The following ATP9B variants were observed in gnomAD, a reference collection of about 807,000 sequenced individuals.
The protein encoded by ATP9B is ATPase phospholipid transporting 9B.
Under a neutral mutation model 146.1 loss-of-function variants are expected in ATP9B, and 110 were observed. That is an observed-to-expected ratio of 0.75 (90% CI 0.65 to 0.88). ATP9B has a LOEUF of 0.88. Among genes scored for constraint, ATP9B ranks in the 40% least tolerant of loss-of-function variants. The pLI is 0.00. For missense variants in ATP9B, 1,499 were observed against 1,496.4 expected (o/e 1.00, Z -0.03); for synonymous variants, 604 against 569.7 (o/e 1.06, Z -0.86).
intron 6 of ATP9B, chr18:79,146,629 A>C (rs1013227491): frequency 3.7e-6 from 1 of 272,194 alleles, no homozygotes; most frequent in South Asian, 3.4e-5. Flanking sequence ...CGGTGTGCAG[A>C]GTGACTGAAG....
At chr18:79,196,540 G>A (rs141861386) in intron 9 of ATP9B, among the ~76,000 whole-genome samples, 1 of 152,194 alleles carries the variant, frequency 6.6e-6, no homozygotes, top group Non-Finnish European at 1.5e-5. Context: ...GAAAGCTGAC[G>A]AGCTCAATAG....
Position 79,256,290 on chromosome 18 carries a change from T to C in ATP9B, c.1268+2749T>C, listed in dbSNP as rs369231244. Among the ~76,000 whole-genome samples, 389 of 141,922 alleles carry C rather than the reference T, an allele frequency of 2.7e-3. 8 individuals are homozygous for C. Among genetic ancestry groups the C allele is most frequent in the South Asian group, 6.4e-3 (29 of 4,524 alleles). 93.1% of individuals were successfully genotyped at this position (141,922 alleles called of 152,430 possible). ...ATATATATATATATATATATATACA[T>C]ACATAGTGAGGCTATGTTATTAGTT... On this transcript the variant is annotated intron_variant, in intron 12 of 29. Coordinates refer to ENST00000426216, the MANE Select transcript of ATP9B (RefSeq NM_198531.5).
At chr18:79,125,159 G>A (rs1490778894) in intron 4 of ATP9B, among the ~76,000 whole-genome samples, 1 of 152,166 alleles carries the variant, frequency 6.6e-6, no homozygotes, top group African/African-American at 2.4e-5. Context: ...TTCCGATGGT[G>A]CAGAGTGCAG....
At chr18:79,284,191 A>G (rs952870138) in intron 13 of ATP9B, among the ~76,000 whole-genome samples, 3 of 152,218 alleles carry the variant, frequency 2.0e-5, no homozygotes, top group African/African-American at 7.2e-5. Flanking sequence ...GAGGCAAGCA[A>G]ATCTCACAGG....
intron 13 of ATP9B, among the ~76,000 whole-genome samples, chr18:79,282,378 T>G (rs1202048843): frequency 1.3e-5 from 2 of 151,610 alleles, no homozygotes; most frequent in African/African-American, 4.9e-5. Context: ...AAAGGAAGAG[T>G]CAGTTTATGT....
chr18:79,201,515 G>C (rs991188254), intron 9 of ATP9B, among the ~76,000 whole-genome samples: 6 of 152,178 alleles, frequency 3.9e-5, no homozygotes, highest in Admixed American at 1.3e-4. Context: ...GGGAGGCTGA[G>C]GTGGGAGTTG....
chr18:79,221,519 G>A (rs1028097016), intron 11 of ATP9B, among the ~76,000 whole-genome samples: 1 of 152,162 alleles, frequency 6.6e-6, no homozygotes, highest in East Asian at 1.9e-4. Context: ...CCAGGAGTTC[G>A]AGGCCAGCCT....
Position 79,345,328 on chromosome 18 carries a change from C to A in ATP9B, c.2473-100C>A, listed in dbSNP as rs1051459150. ...CTGAAAAGATTGAGAACTGTGGCGTCTGTTGGCTTTGCTCCCATGGTTTTG... is the reference window on the plus strand; with the variant it reads ...CTGAAAAGATTGAGAACTGTGGCGTATGTTGGCTTTGCTCCCATGGTTTTG... On this transcript the variant is annotated intron_variant, in intron 21 of 29. Transcript: ENST00000426216. 10 of 1,352,326 alleles carry A rather than the reference C, an allele frequency of 7.4e-6. No homozygotes were observed. In the Admixed American group the frequency reaches 1.2e-4, roughly 16 times the overall value. 83.8% of individuals were successfully genotyped at this position (1,352,326 alleles called of 1,614,324 possible). A position where few individuals can be genotyped will look rare whatever the true frequency, so the allele number is the denominator to read the frequency against.
In ATP9B at chr18:79,208,735, AATGTT is replaced by A. The variant is rs531889143; in HGVS notation, c.1030+1728_1030+1732del. 2.4e-3 allele frequency among the ~76,000 whole-genome samples: 370 copies of A among 152,148 alleles called. 2 individuals are homozygous for A. The highest frequency in any genetic ancestry group is 8.6e-3 in the African/African-American group (357 of 41,476). On this transcript the variant is annotated intron_variant, in intron 10 of 29. Coordinates refer to ENST00000426216, the MANE Select transcript of ATP9B (RefSeq NM_198531.5). ...TATATATAAATGTTACATACATATA[AATGTT>A]ATGTGTGTGTGTGTATATATATATA...
chr18:79,295,845 A>G (rs1438165656), intron 13 of ATP9B, among the ~76,000 whole-genome samples: 2 of 152,232 alleles, frequency 1.3e-5, no homozygotes, highest in African/African-American at 2.4e-5. Context: ...GGACACTGCA[A>G]GAAGGCTCCA....
At chr18:79,157,207 TACACACACACACACACAC>T (rs147810207) in intron 7 of ATP9B, among the ~76,000 whole-genome samples, 9 of 135,326 alleles carry the variant, frequency 6.7e-5, no homozygotes, top group Admixed American at 2.2e-4. Context: ...CTAAAAAAAA[TACACACACACACACACAC>T]ACACACACAC....
At chr18:79,332,204 C>A (rs1053908816) in intron 17 of ATP9B, among the ~76,000 whole-genome samples, 1 of 152,098 alleles carries the variant, frequency 6.6e-6, no homozygotes, top group South Asian at 2.1e-4. Flanking sequence ...CCAAGGCGGG[C>A]AGATCACGAG....
chr18:79,114,792 A>G (rs1337297805), intron 4 of ATP9B, among the ~76,000 whole-genome samples: 1 of 152,138 alleles, frequency 6.6e-6, no homozygotes, highest in African/African-American at 2.4e-5. Context: ...GAGCTCCCCC[A>G]TTAGTGTGCA....
chr18:79,267,292 CT>C (rs2096213048), intron 12 of ATP9B, among the ~76,000 whole-genome samples: 2 of 152,000 alleles, frequency 1.3e-5, no homozygotes, highest in Admixed American at 6.5e-5. Flanking sequence ...TATTTCTGCC[CT>C]TTTTGCTTTC....
chr18:79,078,925 T>C (rs2072936734), intron 1 of ATP9B, among the ~76,000 whole-genome samples: 2 of 152,314 alleles, frequency 1.3e-5, no homozygotes, highest in South Asian at 4.1e-4. Context: ...GGTTTTCTGT[T>C]CTTGTGTTAG....
chr18:79,365,784 T>C (rs2097023830), intron 26 of ATP9B, among the ~76,000 whole-genome samples: 1 of 142,228 alleles, frequency 7.0e-6, no homozygotes, highest in Non-Finnish European at 1.5e-5. Flanking sequence ...CATGCGTGGA[T>C]GGAGGACAAC....
At chr18:79,303,822 G>T in intron 14 of ATP9B, 106 bp downstream of exon 14, 1 of 678,828 alleles carries the variant, frequency 1.5e-6, no homozygotes, top group Non-Finnish European at 2.5e-6. Flanking sequence ...GCTTCTTGGT[G>T]GTCTTAACAT....
In ATP9B at chr18:79,297,920, A is replaced by G. The variant is rs894800740; in HGVS notation, c.1412-5684A>G. Among the ~76,000 whole-genome samples, 9 of 147,082 alleles carry G rather than the reference A, an allele frequency of 6.1e-5. 1 individual carries two copies. The highest frequency in any genetic ancestry group is 1.2e-4 in the Non-Finnish European group (8 of 66,276). On this transcript the variant is annotated intron_variant, in intron 13 of 29. Coordinates refer to ENST00000426216, the MANE Select transcript of ATP9B (RefSeq NM_198531.5). ...AAAGCATATGACAAATGTAGCCCTC[A>G]TTCATGCTTTAAGAAGAAAACTCGG...
chr18:79,336,333 C>T (rs1359276423), intron 17 of ATP9B, among the ~76,000 whole-genome samples: 2 of 152,256 alleles, frequency 1.3e-5, no homozygotes, highest in Non-Finnish European at 2.9e-5. Flanking sequence ...TAAAAAGAAG[C>T]TCTGCTAGGC....
Sources: gnomAD v4.1 joint callset for allele counts (sites outside exome capture counted in the v4.1 genomes callset) on GRCh38, gnomAD v4.1.1 for gene constraint, MANE v1.5 for transcripts, NCBI Gene and HGNC (gene_info 2026-07-23, HGNC 2026-07-21) for gene names.